Variants in HK2 observed in about 807,000 individuals in gnomAD.
HK2 encodes the protein hexokinase-2.
Under a neutral mutation model 92.9 loss-of-function variants are expected in HK2, and 42 were observed. That is an observed-to-expected ratio of 0.45 (90% CI 0.35 to 0.58). The LOEUF (loss-of-function observed/expected upper bound fraction) is 0.58, where lower values mean the gene tolerates loss of function less well. Among genes scored for constraint, HK2 ranks in the 20% least tolerant of loss-of-function variants. The probability of loss-of-function intolerance (pLI) is 0.00; values close to 1 mark genes in which losing one functional copy is unlikely to be tolerated. For synonymous variants in HK2, 422 were observed against 468.0 expected, an observed-to-expected ratio of 0.90 and a Z score of 1.27; for missense variants, 978 against 1,245.1, an observed-to-expected ratio of 0.79 and a Z score of 3.23.
chr2:74,871,254 G>A (rs1190735556), intron 3 of HK2, among the ~76,000 whole-genome samples: 1 of 152,192 alleles, frequency 6.6e-6, no homozygotes, highest in Non-Finnish European at 1.5e-5. Context: ...TGTTCCAGGA[G>A]CACACTTTGA....
At chr2:74,880,209 G>A in intron 9 of HK2, 56 bp from the exon 10 acceptor site, 1 of 1,588,694 alleles carries the variant, frequency 6.3e-7, no homozygotes, top group South Asian at 1.1e-5. Flanking sequence ...CTAACTATTT[G>A]CACCATTGAC....
At chr2:74,855,576 A>T (rs1573365067) in intron 2 of HK2, among the ~76,000 whole-genome samples, 1 of 152,214 alleles carries the variant, frequency 6.6e-6, no homozygotes, top group Non-Finnish European at 1.5e-5. Flanking sequence ...AAGTGATTTA[A>T]TCAGGCAGGG....
chr2:74,858,153 G>A (rs140471451), intron 2 of HK2, among the ~76,000 whole-genome samples: 1 of 152,300 alleles, frequency 6.6e-6, no homozygotes, highest in East Asian at 1.9e-4. Context: ...TTATATGAAA[G>A]GAAATAAATT....
rs1472292907 is a variant in HK2, at chr2:74,886,186, A to G, written c.1936-108A>G. ...CCTGAATGGAATGAGAGGGTCAGCCATGGTGTATGATATATATTTTATATA... is the reference window on the plus strand; with the variant it reads ...CCTGAATGGAATGAGAGGGTCAGCCGTGGTGTATGATATATATTTTATATA... On this transcript the variant is annotated intron_variant, in intron 13 of 17. Transcript: ENST00000290573. 11 of 844,364 alleles carry G rather than the reference A, an allele frequency of 1.3e-5. No individual in the cohort carries two copies. In the East Asian group the frequency reaches 2.3e-4, roughly 18 times the overall value. The allele number at this position is 844,364 out of a possible 1,614,324, so 52.3% of individuals were successfully genotyped here.
intron 4 of HK2, 55 bp from the exon 5 acceptor site, chr2:74,873,221 G>A (rs769958458): frequency 3.9e-6 from 5 of 1,286,150 alleles, no homozygotes; most frequent in Non-Finnish European, 5.7e-6. Flanking sequence ...GAGGGGTGTG[G>A]TGTGAGTTTC....
intron 1 of HK2, among the ~76,000 whole-genome samples, chr2:74,853,750 G>A (rs1476008502): frequency 1.4e-5 from 2 of 147,392 alleles, no homozygotes; most frequent in Non-Finnish European, 3.0e-5. Context: ...GATCATGTGG[G>A]GCCCTGAAAG....
At position 74,874,256 on chromosome 2, in the gene HK2, G is replaced by T; in HGVS notation, c.692-10G>T. 1 of 1,614,160 alleles carries T rather than the reference G, an allele frequency of 6.2e-7. No individual in the cohort carries two copies. The highest frequency in any genetic ancestry group is 8.5e-7 in the Non-Finnish European group (1 of 1,180,030). On this transcript the variant is annotated splice_polypyrimidine_tract_variant and intron_variant, in intron 6 of 17. Transcript: ENST00000290573. ...GCAGGCGTGTGCATAGCCGTCCCTT[G>T]TTTTGGCAGGCACGGGCAGCAACGC...
chr2:74,845,339 T>C (rs530114822), intron 1 of HK2, among the ~76,000 whole-genome samples: 134 of 152,302 alleles, frequency 8.8e-4, no homozygotes, highest in Middle Eastern at 3.4e-3. Flanking sequence ...CAATATCTGT[T>C]GGCAGGTGAA....
At chr2:74,846,697 C>T (rs564513093) in intron 1 of HK2, among the ~76,000 whole-genome samples, 21 of 152,234 alleles carry the variant, frequency 1.4e-4, no homozygotes, top group African/African-American at 5.1e-4. Context: ...GCACTGTTGC[C>T]CAGGCTGAGT....
intron 9 of HK2, among the ~76,000 whole-genome samples, chr2:74,879,219 T>C (rs983229455): frequency 6.6e-6 from 1 of 152,098 alleles, no homozygotes; most frequent in African/African-American, 2.4e-5. Context: ...CTGTCTTTAC[T>C]CTTAGAATTC....
chr2:74,855,640 A>G (rs1688678336), intron 2 of HK2, among the ~76,000 whole-genome samples: 1 of 152,242 alleles, frequency 6.6e-6, no homozygotes, highest in Admixed American at 6.5e-5. Flanking sequence ...GATTAGGGCT[A>G]GGTCACTGAA....
At chr2:74,849,772 A>T (rs1399158793) in intron 1 of HK2, among the ~76,000 whole-genome samples, 2 of 152,180 alleles carry the variant, frequency 1.3e-5, no homozygotes, top group African/African-American at 4.8e-5. Context: ...ATGTGGGGCT[A>T]TTCATCCTGT....
intron 7 of HK2, among the ~76,000 whole-genome samples, chr2:74,875,278 C>A (rs1232779360): frequency 1.3e-5 from 2 of 151,292 alleles, no homozygotes; most frequent in Non-Finnish European, 2.9e-5. Context: ...GAAAATTGAA[C>A]CCTATAAATC....
At position 74,890,997 on chromosome 2, in the gene HK2, T is replaced by C. The variant is rs1254328151; in HGVS notation, c.*56T>C. ...TCTCTCCTTCTTCCCTGTTTTAAATTATAAGATGTCATCCCCTTGTGTCAG... is the reference window on the plus strand; with the variant it reads ...TCTCTCCTTCTTCCCTGTTTTAAATCATAAGATGTCATCCCCTTGTGTCAG... On this transcript the variant is annotated 3_prime_UTR_variant, in exon 18 of 18. Transcript: ENST00000290573. 1 of 1,590,844 alleles carries C rather than the reference T, an allele frequency of 6.3e-7. No individual in the cohort carries two copies. Among genetic ancestry groups the C allele is most frequent in the Admixed American group, 1.7e-5 (1 of 57,872 alleles).
In HK2 at chr2:74,877,261, TCAG is replaced by T. The variant is rs767527984; in HGVS notation, c.973_975del (p.Ser325del). ...GAGGAGCTGCTCTTTGGGGGGAAGC[TCAG>T]CCCAGAGCTTCTCAACACCGGTCGC... On this transcript the variant is annotated inframe_deletion, in exon 8 of 18. Transcript: ENST00000290573. 6.2e-7 allele frequency: 1 copy of T among 1,614,158 alleles called. No individual in the cohort carries two copies. Among genetic ancestry groups the T allele is most frequent in the Non-Finnish European group, 8.5e-7 (1 of 1,180,026 alleles).
intron 1 of HK2, among the ~76,000 whole-genome samples, chr2:74,853,201 A>G (rs1402051728): frequency 6.6e-6 from 1 of 152,078 alleles, no homozygotes; most frequent in East Asian, 1.9e-4. Flanking sequence ...ATCTACACAA[A>G]GAGTCCAGAC....
intron 1 of HK2, among the ~76,000 whole-genome samples, chr2:74,835,722 G>A (rs1688148564): frequency 6.6e-6 from 1 of 152,246 alleles, no homozygotes. Flanking sequence ...GCTACGATTT[G>A]AGGTAGGGGA....
At chr2:74,853,390 C>T (rs368237759) in intron 1 of HK2, among the ~76,000 whole-genome samples, 11 of 151,668 alleles carry the variant, frequency 7.3e-5, no homozygotes, top group African/African-American at 1.5e-4. Context: ...GGTGGTGCAC[C>T]GCTGTAATCC....
At chr2:74,859,592 G>A (rs1204152993) in intron 2 of HK2, among the ~76,000 whole-genome samples, 1 of 152,120 alleles carries the variant, frequency 6.6e-6, no homozygotes, top group Non-Finnish European at 1.5e-5. Flanking sequence ...GAACCCGGGA[G>A]GCAGAGCATT....
Sources: allele counts gnomAD v4.1 joint callset (sites outside exome capture counted in the v4.1 genomes callset), GRCh38; gene constraint gnomAD v4.1.1; transcripts MANE v1.5; gene names NCBI Gene and HGNC (gene_info 2026-07-23, HGNC 2026-07-21).